The following CNNM2 variants were observed in gnomAD, a reference collection of about 807,000 sequenced individuals.
The protein encoded by CNNM2 is metal transporter CNNM2.
A neutral mutation model predicts 66.9 loss-of-function variants in CNNM2; 12 were observed. The ratio of observed to expected loss-of-function variants is 0.18; its 90% CI spans 0.11 to 0.29. CNNM2 has a LOEUF of 0.29. Ranked by LOEUF, CNNM2 falls within the 10% of genes least tolerant of loss-of-function variation. The pLI is 1.00. For missense variants in CNNM2, 705 were observed against 1,167.7 expected, an observed-to-expected ratio of 0.60 and a Z score of 5.77; for synonymous variants, 557 against 501.8, an observed-to-expected ratio of 1.11 and a Z score of -1.47.
At chr10:103,026,047 GTCCCCTCT>G (rs1449081323) in intron 1 of CNNM2, among the ~76,000 whole-genome samples, 2 of 152,194 alleles carry the variant, frequency 1.3e-5, no homozygotes, top group African/African-American at 4.8e-5. Flanking sequence ...AGCAAGTTCA[GTCCCCTCT>G]TGCTCTCTTG....
chr10:102,956,144 C>T (rs575537745), intron 1 of CNNM2, among the ~76,000 whole-genome samples: 3 of 152,054 alleles, frequency 2.0e-5, no homozygotes, highest in Admixed American at 6.6e-5. Context: ...AAAAATTAGC[C>T]GGGCGTGGTG....
chr10:102,967,546 A>G (rs942227323), intron 1 of CNNM2, among the ~76,000 whole-genome samples: 1 of 152,166 alleles, frequency 6.6e-6, no homozygotes, highest in African/African-American at 2.4e-5. Flanking sequence ...TTGTTTGGCT[A>G]CTTTCACTTA....
In CNNM2 at chr10:103,026,628, T is replaced by G. The variant is rs774463357; in HGVS notation, c.1622-23079T>G. Among the ~76,000 whole-genome samples, 174 of 143,476 alleles carry G rather than the reference T, an allele frequency of 1.2e-3. 1 individual carries two copies. The highest frequency in any genetic ancestry group is 1.9e-3 in the Non-Finnish European group (128 of 65,832). 94.1% of individuals were successfully genotyped at this position (143,476 alleles called of 152,430 possible). On this transcript the variant is annotated intron_variant, in intron 1 of 7. Coordinates refer to ENST00000369878, the MANE Select transcript of CNNM2 (RefSeq NM_017649.5). The stretch of plus-strand genomic sequence containing the variant: ...AAAAAAAAAAAAAAAAAAAAAAAGG[T>G]TTGGAAACAGAAATAACCAATTCTT...
chr10:103,048,853 C>T (rs2065172024), intron 1 of CNNM2, among the ~76,000 whole-genome samples: 1 of 152,080 alleles, frequency 6.6e-6, no homozygotes, highest in South Asian at 2.1e-4. Flanking sequence ...ATGTTTACTG[C>T]TTCAGCAAGG....
At chr10:103,022,321 A>C (rs2064600177) in intron 1 of CNNM2, among the ~76,000 whole-genome samples, 1 of 152,172 alleles carries the variant, frequency 6.6e-6, no homozygotes, top group African/African-American at 2.4e-5. Flanking sequence ...TTAATCTTCA[A>C]AGCAGCTCTT....
intron 1 of CNNM2, among the ~76,000 whole-genome samples, chr10:102,970,046 CTTTTT>C (rs1241596980): frequency 6.6e-6 from 1 of 152,168 alleles, no homozygotes; most frequent in East Asian, 1.9e-4. Context: ...TTTACTCTTT[CTTTTT>C]GAGATTTGTA....
At chr10:103,043,664 A>G (rs748428729) in intron 1 of CNNM2, among the ~76,000 whole-genome samples, 1 of 152,172 alleles carries the variant, frequency 6.6e-6, no homozygotes, top group Non-Finnish European at 1.5e-5. Flanking sequence ...ATTTGATCCC[A>G]ATTCTACCTT....
chr10:102,936,291 A>G (rs2134172736), intron 1 of CNNM2, among the ~76,000 whole-genome samples: 1 of 152,280 alleles, frequency 6.6e-6, no homozygotes, highest in East Asian at 1.9e-4. Context: ...AACAACTAGA[A>G]CAAGATAGCA....
In CNNM2 at chr10:103,024,285, A is replaced by G. The variant is rs77134372; in HGVS notation, c.1622-25422A>G. Among the ~76,000 whole-genome samples, 624 of 152,296 alleles carry G rather than the reference A, an allele frequency of 4.1e-3. 20 individuals are homozygous for G. In the East Asian group the frequency reaches 0.073, roughly 18 times the overall value. On this transcript the variant is annotated intron_variant, in intron 1 of 7. Transcript: ENST00000369878. ...TAGAGAAAATAGACAATAAACCACAATATACCCATTACCAATTCAATAACT... is the reference window on the plus strand; with the variant it reads ...TAGAGAAAATAGACAATAAACCACAGTATACCCATTACCAATTCAATAACT...
chr10:102,931,693 C>T (rs372597916), intron 1 of CNNM2, among the ~76,000 whole-genome samples: 80 of 151,988 alleles, frequency 5.3e-4, no homozygotes, highest in Admixed American at 7.2e-4. Flanking sequence ...GATATATACA[C>T]GGGAATAGAA....
intron 1 of CNNM2, among the ~76,000 whole-genome samples, chr10:102,923,197 T>C (rs1204646818): frequency 6.6e-6 from 1 of 152,160 alleles, no homozygotes; most frequent in East Asian, 1.9e-4. Context: ...TGTGATTGTC[T>C]TTTTTCTCTG....
intron 1 of CNNM2, among the ~76,000 whole-genome samples, chr10:102,936,419 C>T (rs1846241239): frequency 6.6e-6 from 1 of 151,950 alleles, no homozygotes; most frequent in Admixed American, 6.6e-5. Flanking sequence ...AGAAAAAACC[C>T]TACCTTTTAG....
intron 1 of CNNM2, among the ~76,000 whole-genome samples, chr10:103,004,147 C>T (rs1232010718): frequency 7.2e-6 from 1 of 139,840 alleles, no homozygotes; most frequent in East Asian, 2.2e-4. Context: ...GAATTACAGG[C>T]ACCTGCCACC....
rs2065801148 is a variant in CNNM2, at chr10:103,085,886, T to C, written c.*8706T>C. 3 of 152,208 alleles carry C rather than the reference T, an allele frequency of 2.0e-5. No individual in the cohort carries two copies. Among genetic ancestry groups the C allele is most frequent in the Non-Finnish European group, 1.5e-5 (1 of 68,038 alleles). 9.4% of individuals were successfully genotyped at this position (152,208 alleles called of 1,614,324 possible). On this transcript the variant is annotated 3_prime_UTR_variant, in exon 8 of 8. Coordinates refer to ENST00000369878, the MANE Select transcript of CNNM2 (RefSeq NM_017649.5). ...TGTGTGTGAGGACAGGGAAAAATGG[T>C]TGAGAAATCCAGGTTAAAGAATAGA...
At chr10:103,062,430 A>G (rs1286027405) in intron 4 of CNNM2, among the ~76,000 whole-genome samples, 1 of 152,220 alleles carries the variant, frequency 6.6e-6, no homozygotes, top group African/African-American at 2.4e-5. Flanking sequence ...ACGGATCCTT[A>G]ATCTTGAGTC....
intron 1 of CNNM2, among the ~76,000 whole-genome samples, chr10:103,034,164 A>G (rs1016181196): frequency 2.6e-5 from 4 of 152,052 alleles, no homozygotes; most frequent in African/African-American, 9.7e-5. Context: ...CCCTTATATC[A>G]CATAATTATT....
At chr10:102,958,420 G>C (rs1020550148) in intron 1 of CNNM2, among the ~76,000 whole-genome samples, 14 of 132,104 alleles carry the variant, frequency 1.1e-4, no homozygotes, top group Non-Finnish European at 6.4e-5. Flanking sequence ...AATATAAACT[G>C]TTGAGTCTGA....
intron 1 of CNNM2, among the ~76,000 whole-genome samples, chr10:102,952,815 A>C (rs1277465731): frequency 1.3e-5 from 2 of 152,074 alleles, no homozygotes; most frequent in Non-Finnish European, 2.9e-5. Context: ...TATCAATGCA[A>C]CTGTGACTAA....
chr10:103,019,117 A>C lies in CNNM2; in HGVS notation c.1622-30590A>C, dbSNP rs373611458. On this transcript the variant is annotated intron_variant, in intron 1 of 7. Coordinates refer to ENST00000369878, the MANE Select transcript of CNNM2 (RefSeq NM_017649.5). ...ATCCCATCCCTACTAAAAATAGAAAAACTTATTCAGATGTGGTGGCATACA... is the reference window on the plus strand; with the variant it reads ...ATCCCATCCCTACTAAAAATAGAAACACTTATTCAGATGTGGTGGCATACA... Among the ~76,000 whole-genome samples the C allele has an allele frequency of 3.3e-5, 5 of 151,900 alleles. No homozygotes were observed. In the East Asian group the frequency reaches 9.8e-4, roughly 30 times the overall value.
Sources: gnomAD v4.1 joint callset for allele counts (sites outside exome capture counted in the v4.1 genomes callset) on GRCh38, gnomAD v4.1.1 for gene constraint, MANE v1.5 for transcripts, NCBI Gene and HGNC (gene_info 2026-07-23, HGNC 2026-07-21) for gene names.